LY9: variants seen among roughly 807,000 people sequenced by gnomAD.
LY9 encodes T-lymphocyte surface antigen Ly-9.
In LY9, 59 loss-of-function variants were observed where a neutral mutation model predicts 64.6. The ratio of observed to expected loss-of-function variants is 0.91; its 90% CI spans 0.74 to 1.13. The LOEUF is 1.13. LY9 is among the 50% of genes most tolerant of loss of function. The pLI, the probability that LY9 is intolerant of heterozygous loss-of-function variation, is 0.00. For synonymous variants in LY9, 281 were observed against 308.5 expected (o/e 0.91, Z 0.93); for missense variants, 789 against 797.2 (o/e 0.99, Z 0.12).
intron 2 of LY9, among the ~76,000 whole-genome samples, chr1:160,806,531 TG>T (rs1157009735): frequency 2.0e-5 from 3 of 152,230 alleles, no homozygotes; most frequent in Non-Finnish European, 4.4e-5. Context: ...ATAGTATTTT[TG>T]GTTGACTCTT....
chr1:160,805,829 G>A (rs1442578666), intron 2 of LY9, among the ~76,000 whole-genome samples: 1 of 150,918 alleles, frequency 6.6e-6, no homozygotes, highest in Non-Finnish European at 1.5e-5. Context: ...ATGAATTTGG[G>A]TGCTCCAGTG....
At chr1:160,800,122 T>C (rs759746806) in intron 2 of LY9, 40 bp downstream of exon 2, 1 of 1,521,116 alleles carries the variant, frequency 6.6e-7, no homozygotes. Flanking sequence ...TCTTTTCTTT[T>C]TTTTATTTGT....
intron 6 of LY9, among the ~76,000 whole-genome samples, chr1:160,818,591 G>A (rs1668137907): frequency 6.6e-6 from 1 of 152,166 alleles, no homozygotes; most frequent in African/African-American, 2.4e-5. Context: ...CTGTGGGGAA[G>A]GCAGGGATAG....
chr1:160,809,333 T>TTTATTA (rs138398905), intron 2 of LY9, among the ~76,000 whole-genome samples: 1,485 of 140,218 alleles, frequency 0.011, 8 homozygotes, highest in Middle Eastern at 0.018. Context: ...AAATCCTGAA[T>TTTATTA]TTATTATTAT....
chr1:160,811,662 T>C (rs1296814674), intron 2 of LY9: 1 of 152,244 alleles, frequency 6.6e-6, no homozygotes, highest in Non-Finnish European at 1.5e-5. Context: ...TTTGCCACTT[T>C]ACAACAAGTA....
In LY9 at chr1:160,823,708, C is replaced by G. The variant is rs1156386012; in HGVS notation, c.1742C>G (p.Ala581Gly). The G allele has an allele frequency of 6.2e-7, 1 of 1,614,144 alleles. No individual in the cohort carries two copies. ...CATGACCCAGCCCCTGAGGGCCAAG[C>G]AGACTATGATCCCGTCACTCCATAT... is the stretch of plus-strand genomic sequence containing the variant. The part of the protein sequence containing the change: ...AGHDPAPEGQ[A>G]DYDPVTPYVT... The change falls in exon 8 of 10, where the codon GCA (alanine) becomes GGA (glycine). Residue 581 changes from alanine (A) to glycine (G), a missense_variant. Coordinates refer to ENST00000263285, the MANE Select transcript of LY9 (RefSeq NM_002348.4).
intron 2 of LY9, chr1:160,811,012 C>T (rs935928562): frequency 5.9e-5 from 9 of 152,236 alleles, no homozygotes; most frequent in African/African-American, 2.2e-4. Context: ...GCATAATACT[C>T]TTTGGCTCAG....
chr1:160,798,426 T>C (rs1666106707), intron 1 of LY9, among the ~76,000 whole-genome samples: 1 of 152,208 alleles, frequency 6.6e-6, no homozygotes, highest in African/African-American at 2.4e-5. Flanking sequence ...TTATGAGAAT[T>C]AAATGAGATA....
chr1:160,825,736 C>T (rs962104197), intron 9 of LY9, among the ~76,000 whole-genome samples: 5 of 152,054 alleles, frequency 3.3e-5, no homozygotes, highest in Admixed American at 2.6e-4. Context: ...ATGGTAAAAC[C>T]CCATCTCTAC....
chr1:160,802,031 C>A, intron 2 of LY9: 2 of 1,455,426 alleles, frequency 1.4e-6, no homozygotes, highest in African/African-American at 1.4e-5. Context: ...TGCCACTGCC[C>A]CCCGAGGCTG....
At position 160,814,576 on chromosome 1, in the gene LY9, C is replaced by T; in HGVS notation, c.887C>T (p.Ala296Val). The T allele has an allele frequency of 5.0e-6, 8 of 1,614,132 alleles. No individual in the cohort carries two copies. The highest frequency in any genetic ancestry group is 5.9e-6 in the Non-Finnish European group (7 of 1,180,022). ...ATCATTAGCAAAGAGAGGGAAGAAG[C>T]AGCAACGGCAGATCCACTCATTAAA... ...TSIISKEREE[A>V]ATADPLIKSR... The change falls in exon 4 of 10, where the codon GCA becomes GTA. Residue 296 changes from alanine (A) to valine (V), a missense_variant. Transcript: ENST00000263285.
Position 160,827,931 on chromosome 1 carries a change from A to G in LY9, c.*115A>G, listed in dbSNP as rs1668947688. On this transcript the variant is annotated 3_prime_UTR_variant, in exon 10 of 10. Transcript: ENST00000263285. ...ACCTCAGAATTTCCTTCAGTGCCTC[A>G]GAGATGCCTGGATGTGGCCCCTCCC... is the stretch of plus-strand genomic sequence containing the variant. The G allele has an allele frequency of 1.3e-6, 1 of 764,064 alleles. No homozygotes were observed. Among genetic ancestry groups the G allele is most frequent in the Non-Finnish European group, 2.2e-6 (1 of 461,808 alleles). The allele number at this position is 764,064 out of a possible 1,614,324, so 47.3% of individuals were successfully genotyped here.
chr1:160,802,164 G>A, intron 2 of LY9: 14 of 1,276,498 alleles, frequency 1.1e-5, no homozygotes, highest in Non-Finnish European at 1.4e-5. Flanking sequence ...GCAGGAACCG[G>A]GCTGGGCCTT....
At chr1:160,810,870 T>C (rs529058040) in intron 2 of LY9, 1 of 152,236 alleles carries the variant, frequency 6.6e-6, no homozygotes, top group African/African-American at 2.4e-5. Context: ...GCCTCCAAAA[T>C]TCAATGGTGG....
chr1:160,808,000 A>T (rs1667142709), intron 2 of LY9, among the ~76,000 whole-genome samples: 1 of 152,102 alleles, frequency 6.6e-6, no homozygotes, highest in Admixed American at 6.5e-5. Context: ...AGTAGCCGCC[A>T]CCGTGAGGCC....
At position 160,799,826 on chromosome 1, in the gene LY9, C is replaced by T. The variant is rs1245278426; in HGVS notation, c.198C>T (p.Pro66=). 1.9e-6 allele frequency: 3 copies of T among 1,614,136 alleles called. No homozygotes were observed. Among genetic ancestry groups the T allele is most frequent in the African/African-American group, 1.3e-5 (1 of 75,030 alleles). The change falls in exon 2 of 10, where the codon CCC becomes CCT. Residue 66 remains proline (P), a synonymous_variant. Coordinates refer to ENST00000263285, the MANE Select transcript of LY9 (RefSeq NM_002348.4). The part of the protein sequence containing the change: ...SGILGGSVTL[P]LNISVDTEIE... ...TCCTAGGGGGTTCCGTGACTCTCCC[C>T]CTAAACATCTCAGTAGACACAGAGA...
At chr1:160,810,129 T>G (rs1346291779) in intron 2 of LY9, 4 of 152,366 alleles carry the variant, frequency 2.6e-5, no homozygotes, top group Non-Finnish European at 4.4e-5. Flanking sequence ...TTCACTCTCC[T>G]CAGCCTCCCA....
At chr1:160,812,058 GA>G (rs1667517832) in intron 2 of LY9, 2 of 152,196 alleles carry the variant, frequency 1.3e-5, no homozygotes, top group African/African-American at 4.8e-5. Flanking sequence ...ACTGCAGACT[GA>G]CTAGCTTAAA....
chr1:160,809,333 TTTATTATTATTATTA>T (rs138398905), intron 2 of LY9, among the ~76,000 whole-genome samples: 3 of 140,228 alleles, frequency 2.1e-5, no homozygotes, highest in Non-Finnish European at 1.6e-5. Flanking sequence ...AAATCCTGAA[TTTATTATTATTATTA>T]TTATTATTAT....
Sources: allele counts gnomAD v4.1 joint callset (sites outside exome capture counted in the v4.1 genomes callset), GRCh38; gene constraint gnomAD v4.1.1; transcripts MANE v1.5; gene names NCBI Gene and HGNC (gene_info 2026-07-23, HGNC 2026-07-21).